Variants in CTNNA2 observed in about 807,000 individuals in gnomAD.
CTNNA2 encodes the protein catenin alpha-2.
Under a neutral mutation model 101.0 loss-of-function variants are expected in CTNNA2, and 42 were observed. The observed-to-expected ratio is 0.42, with a 90% CI of 0.32 to 0.54. CTNNA2 has a LOEUF of 0.54. Among genes scored for constraint, CTNNA2 ranks in the 20% least tolerant of loss-of-function variants. CTNNA2 has a pLI of 0.14. For synonymous variants in CTNNA2, 450 were observed against 456.4 expected (o/e 0.99, Z 0.18); for missense variants, 871 against 1,223.1 (o/e 0.71, Z 4.29).
intron 14 of CTNNA2, among the ~76,000 whole-genome samples, chr2:80,583,419 A>T (rs1208739858): frequency 6.6e-6 from 1 of 152,188 alleles, no homozygotes; most frequent in Admixed American, 6.6e-5. Context: ...GTAACTTGAA[A>T]ATCTTTTGAC....
chr2:79,395,896 G>A (rs1291552774), intron 4 of CTNNA2, among the ~76,000 whole-genome samples: 1 of 152,100 alleles, frequency 6.6e-6, no homozygotes, highest in East Asian at 1.9e-4. Flanking sequence ...CTCTTGGCAG[G>A]CCTCCGTGTG....
intron 7 of CTNNA2, among the ~76,000 whole-genome samples, chr2:80,290,220 A>G (rs1368550388): frequency 6.6e-6 from 1 of 152,194 alleles, no homozygotes; most frequent in Non-Finnish European, 1.5e-5. Context: ...AATTAATTCC[A>G]TGCCAGATAG....
intron 7 of CTNNA2, among the ~76,000 whole-genome samples, chr2:79,960,472 C>T (rs575040768): frequency 1.3e-4 from 20 of 152,272 alleles, no homozygotes; most frequent in South Asian, 6.2e-4. Flanking sequence ...TATAGTGCTG[C>T]GATTGATTCT....
At position 80,069,644 on chromosome 2, in the gene CTNNA2, ATAT is replaced by A. The variant is rs547244109; in HGVS notation, c.1056+159851_1056+159853del. On this transcript the variant is annotated intron_variant, in intron 7 of 18. Transcript: ENST00000402739. ...TTAAATATTTATATAAAGTCAAAAC[ATAT>A]TATGTGATAAGGGAATAAGAGAGGA... Among the ~76,000 whole-genome samples the A allele has an allele frequency of 2.6e-3, 401 of 152,318 alleles. 2 individuals are homozygous for A. Among genetic ancestry groups the A allele is most frequent in the African/African-American group, 9.1e-3 (378 of 41,570 alleles).
chr2:79,261,414 A>G (rs1193445578), intron 2 of CTNNA2, among the ~76,000 whole-genome samples: 1 of 152,244 alleles, frequency 6.6e-6, no homozygotes, highest in Non-Finnish European at 1.5e-5. Context: ...TGAAGCCTGC[A>G]TCACATATTA....
intron 7 of CTNNA2, among the ~76,000 whole-genome samples, chr2:80,227,310 GAAT>G (rs1231098264): frequency 5.3e-5 from 8 of 152,128 alleles, no homozygotes; most frequent in Admixed American, 3.3e-4. Context: ...GTCAGGTGCT[GAAT>G]GATAAGTTTA....
At chr2:79,397,210 C>A (rs552029776) in intron 4 of CTNNA2, among the ~76,000 whole-genome samples, 1 of 152,190 alleles carries the variant, frequency 6.6e-6, no homozygotes, top group East Asian at 1.9e-4. Flanking sequence ...TTTATCTTTT[C>A]TTTGTGTTGG....
At chr2:79,612,415 A>ACC (rs1678337072) in intron 1 of CTNNA2, among the ~76,000 whole-genome samples, 2 of 152,148 alleles carry the variant, frequency 1.3e-5, no homozygotes, top group African/African-American at 4.8e-5. Context: ...TTTCATTGTT[A>ACC]GGTAGACTGT....
chr2:80,273,224 A>T (rs310778), intron 7 of CTNNA2, among the ~76,000 whole-genome samples: 60,441 of 151,958 alleles, frequency 0.4, 14,290 homozygotes, highest in Non-Finnish European at 0.53. Flanking sequence ...AAACCTGACA[A>T]CTTCACCCTT....
At chr2:80,235,757 C>G (rs956806720) in intron 7 of CTNNA2, among the ~76,000 whole-genome samples, 1 of 152,134 alleles carries the variant, frequency 6.6e-6, no homozygotes, top group Non-Finnish European at 1.5e-5. Context: ...ACCTTAGGGT[C>G]GCACCATAAA....
At chr2:79,472,151 GA>G (rs1671006586) in intron 4 of CTNNA2, among the ~76,000 whole-genome samples, 1 of 152,186 alleles carries the variant, frequency 6.6e-6, no homozygotes, top group African/African-American at 2.4e-5. Context: ...GCAAAGCGTA[GA>G]CATTCCCTTT....
At chr2:79,253,176 T>A (rs1674795437) in intron 2 of CTNNA2, among the ~76,000 whole-genome samples, 1 of 152,194 alleles carries the variant, frequency 6.6e-6, no homozygotes, top group South Asian at 2.1e-4. Context: ...GCCTGATATA[T>A]GCTCTAATTC....
chr2:80,307,062 A>G (rs1215337774), intron 7 of CTNNA2, among the ~76,000 whole-genome samples: 1 of 148,448 alleles, frequency 6.7e-6, no homozygotes, highest in African/African-American at 2.4e-5. Flanking sequence ...TATATATTAT[A>G]TATAAATATA....
intron 1 of CTNNA2, among the ~76,000 whole-genome samples, chr2:79,635,237 C>T (rs1305611403): frequency 6.6e-6 from 1 of 151,856 alleles, no homozygotes; most frequent in Admixed American, 6.6e-5. Flanking sequence ...CGAGACCATC[C>T]CGGCTAACAC....
At chr2:80,447,593 TG>T (rs996626596) in intron 9 of CTNNA2, among the ~76,000 whole-genome samples, 1 of 152,226 alleles carries the variant, frequency 6.6e-6, no homozygotes, top group African/African-American at 2.4e-5. Flanking sequence ...TTAAGCCTAG[TG>T]GGGGAAAAGC....
chr2:79,706,910 C>T (rs1372540644), intron 2 of CTNNA2, among the ~76,000 whole-genome samples: 1 of 152,164 alleles, frequency 6.6e-6, no homozygotes, highest in Non-Finnish European at 1.5e-5. Context: ...AGGTATGCTG[C>T]TTACCTGATC....
chr2:79,378,541 G>A (rs1678004131), intron 4 of CTNNA2, among the ~76,000 whole-genome samples: 1 of 152,060 alleles, frequency 6.6e-6, no homozygotes, highest in South Asian at 2.1e-4. Context: ...TAACAACATG[G>A]AAAATACCAA....
chr2:80,090,364 A>G (rs1699723732), intron 7 of CTNNA2, among the ~76,000 whole-genome samples: 2 of 152,042 alleles, frequency 1.3e-5, no homozygotes, highest in Admixed American at 6.6e-5. Flanking sequence ...ATAGACAGAC[A>G]GTCTGCTTCC....
intron 9 of CTNNA2, among the ~76,000 whole-genome samples, chr2:80,540,239 T>C (rs1691432549): frequency 6.6e-6 from 1 of 152,150 alleles, no homozygotes; most frequent in African/African-American, 2.4e-5. Context: ...AATAGGACAT[T>C]TACTTTACCA....
Sources: gnomAD v4.1 joint callset for allele counts (sites outside exome capture counted in the v4.1 genomes callset) on GRCh38, gnomAD v4.1.1 for gene constraint, MANE v1.5 for transcripts, NCBI Gene and HGNC (gene_info 2026-07-23, HGNC 2026-07-21) for gene names.